Variants in SEZ6L observed in about 807,000 individuals in gnomAD.
SEZ6L encodes the protein seizure related 6 homolog like.
SEZ6L carries 37 observed loss-of-function variants against 106.2 expected under a neutral mutation model. The ratio of observed to expected loss-of-function variants is 0.35; its 90% CI spans 0.27 to 0.46. SEZ6L has a LOEUF of 0.46. SEZ6L is among the 20% of genes least tolerant of loss of function. The pLI is 1.00. For synonymous variants in SEZ6L, 541 were observed against 570.4 expected, an observed-to-expected ratio of 0.95 and a Z score of 0.73; for missense variants, 1,172 against 1,332.8, an observed-to-expected ratio of 0.88 and a Z score of 1.88.
In SEZ6L at chr22:26,169,750, A is replaced by G; in HGVS notation, c.81A>G (p.Ala27=). ...CTCTGCTCCTGGGGAGCCCGGCGGC[A>G]GCGCTGGAGCGAGGTAAGCGCCCCG... is the stretch of plus-strand genomic sequence containing the variant. The part of the protein sequence containing the change: ...FLALLLGSPA[A]ALERDALPEG... Residue 27 remains alanine, a synonymous_variant, in exon 1 of 17, where the codon GCA becomes GCG. Coordinates refer to ENST00000248933, the MANE Select transcript of SEZ6L (RefSeq NM_021115.5). 8.0e-7 allele frequency: 1 copy of G among 1,253,364 alleles called. No individual in the cohort carries two copies. The highest frequency in any genetic ancestry group is 1.0e-6 in the Non-Finnish European group (1 of 999,774). The allele number at this position is 1,253,364 out of a possible 1,614,324, so 77.6% of individuals were successfully genotyped here. A position where few individuals can be genotyped will look rare whatever the true frequency, so the allele number is the denominator to read the frequency against.
intron 1 of SEZ6L, among the ~76,000 whole-genome samples, chr22:26,284,875 C>T (rs1242835359): frequency 6.6e-6 from 1 of 152,008 alleles, no homozygotes; most frequent in Non-Finnish European, 1.5e-5. Flanking sequence ...TCTCTATGAT[C>T]TTGAACAAGT....
intron 1 of SEZ6L, among the ~76,000 whole-genome samples, chr22:26,288,100 C>T (rs188469189): frequency 2.1e-3 from 322 of 152,294 alleles, no homozygotes; most frequent in Non-Finnish European, 4.2e-3. Flanking sequence ...GTTCTTTTGA[C>T]TGTATTTGGG....
chr22:26,235,879 A>G (rs957811091), intron 1 of SEZ6L, among the ~76,000 whole-genome samples: 1 of 152,218 alleles, frequency 6.6e-6, no homozygotes, highest in Non-Finnish European at 1.5e-5. Context: ...AAGAAGGAAT[A>G]TGATCAGATC....
At chr22:26,263,595 C>A (rs1289142407) in intron 1 of SEZ6L, among the ~76,000 whole-genome samples, 25 of 152,162 alleles carry the variant, frequency 1.6e-4, no homozygotes, top group Non-Finnish European at 8.8e-5. Context: ...GAATACAGAC[C>A]CTACGTCCAG....
At chr22:26,361,564 G>A in intron 12 of SEZ6L, among the ~76,000 whole-genome samples, 1 of 150,788 alleles carries the variant, frequency 6.6e-6, no homozygotes, top group South Asian at 2.1e-4. Flanking sequence ...CAGTACAATT[G>A]GTATGAAAAT....
chr22:26,318,018 A>T (rs1419235605), intron 9 of SEZ6L, among the ~76,000 whole-genome samples: 1 of 151,978 alleles, frequency 6.6e-6, no homozygotes, highest in East Asian at 1.9e-4. Context: ...TGAATTAGGA[A>T]GTACATACCC....
chr22:26,310,478 G>T (rs1273455801), intron 6 of SEZ6L, among the ~76,000 whole-genome samples, 192 bp from the exon 7 acceptor site: 1 of 152,214 alleles, frequency 6.6e-6, no homozygotes, highest in Non-Finnish European at 1.5e-5. Context: ...GGAGGTTGCA[G>T]TGAGCCAAGA....
intron 7 of SEZ6L, among the ~76,000 whole-genome samples, chr22:26,311,258 A>T (rs1481681892): frequency 6.6e-6 from 1 of 152,154 alleles, no homozygotes; most frequent in Non-Finnish European, 1.5e-5. Flanking sequence ...GCTCCACTCC[A>T]CCTAGTAGAC....
chr22:26,330,750 TC>T (rs66619138), intron 9 of SEZ6L, among the ~76,000 whole-genome samples: 35,709 of 152,116 alleles, frequency 0.23, 4,492 homozygotes, highest in African/African-American at 0.28. Context: ...GTTTTTGTTT[TC>T]CCGAAACTGC....
chr22:26,194,126 C>A lies in SEZ6L; in HGVS notation c.94+24363C>A, dbSNP rs146272179. 8.8e-3 allele frequency among the ~76,000 whole-genome samples: 1,335 copies of A among 152,252 alleles called. 9 individuals carry two copies. The highest frequency in any genetic ancestry group is 0.014 in the Non-Finnish European group (983 of 68,014). On this transcript the variant is annotated intron_variant, in intron 1 of 16. Coordinates refer to ENST00000248933, the MANE Select transcript of SEZ6L (RefSeq NM_021115.5). ...GTAAAGATGAGAGAGAAAGGCATTG[C>A]AAGCTCAGGAAAGAGCAAGCTCAAG... is the stretch of plus-strand genomic sequence containing the variant.
At chr22:26,257,720 CT>C (rs1265985036) in intron 1 of SEZ6L, among the ~76,000 whole-genome samples, 1 of 152,170 alleles carries the variant, frequency 6.6e-6, no homozygotes, top group Admixed American at 6.5e-5. Flanking sequence ...ATCTCCATTA[CT>C]CCAGCCTGCA....
chr22:26,260,473 C>T (rs1156261181), intron 1 of SEZ6L, among the ~76,000 whole-genome samples: 2 of 152,020 alleles, frequency 1.3e-5, no homozygotes, highest in African/African-American at 4.8e-5. Context: ...TAATTTGTTC[C>T]TTTTTATGAC....
At chr22:26,350,012 A>G (rs903251253) in intron 11 of SEZ6L, among the ~76,000 whole-genome samples, 1 of 152,040 alleles carries the variant, frequency 6.6e-6, no homozygotes, top group Non-Finnish European at 1.5e-5. Context: ...TCTCTTTAGC[A>G]GTTGCTCAGA....
At chr22:26,250,185 T>G (rs2145791944) in intron 1 of SEZ6L, among the ~76,000 whole-genome samples, 1 of 152,306 alleles carries the variant, frequency 6.6e-6, no homozygotes, top group South Asian at 2.1e-4. Context: ...ATTCCATTTG[T>G]CTATTTTTGC....
intron 1 of SEZ6L, chr22:26,244,739 A>C (rs1404038844): frequency 9.8e-5 from 1 of 10,194 alleles, no homozygotes; most frequent in African/African-American, 1.1e-4. Flanking sequence ...CCCTTCTTTT[A>C]TATTTTTCCC....
intron 1 of SEZ6L, among the ~76,000 whole-genome samples, chr22:26,241,729 A>G (rs1311637256): frequency 1.3e-5 from 2 of 150,610 alleles, no homozygotes; most frequent in Non-Finnish European, 2.9e-5. Flanking sequence ...AAACACTTCT[A>G]AAATTCCCTT....
intron 5 of SEZ6L, among the ~76,000 whole-genome samples, chr22:26,301,200 C>T (rs906737164): frequency 1.3e-5 from 2 of 152,238 alleles, no homozygotes; most frequent in African/African-American, 4.8e-5. Flanking sequence ...CTGACACAGT[C>T]TGGTGCCCTC....
At chr22:26,267,007 C>T (rs762957602) in intron 1 of SEZ6L, among the ~76,000 whole-genome samples, 3 of 152,088 alleles carry the variant, frequency 2.0e-5, no homozygotes, top group Non-Finnish European at 4.4e-5. Context: ...CACCAGATGG[C>T]CAATTAGAGG....
intron 2 of SEZ6L, among the ~76,000 whole-genome samples, chr22:26,293,557 G>A (rs1385336359): frequency 2.0e-5 from 3 of 152,072 alleles, no homozygotes; most frequent in African/African-American, 7.2e-5. Context: ...GAACTCCTGG[G>A]CTCAAGCAAT....
Sources: allele counts gnomAD v4.1 joint callset (sites outside exome capture counted in the v4.1 genomes callset), GRCh38; gene constraint gnomAD v4.1.1; transcripts MANE v1.5; gene names NCBI Gene and HGNC (gene_info 2026-07-23, HGNC 2026-07-21).